The following MACF1 variants were observed in gnomAD, a reference collection of about 807,000 sequenced individuals.
The protein encoded by MACF1 is microtubule actin crosslinking factor 1.
Under a neutral mutation model 854.8 loss-of-function variants are expected in MACF1, and 193 were observed. That is an observed-to-expected ratio of 0.23 (90% CI 0.20 to 0.25). MACF1 has a LOEUF of 0.25. Among genes scored for constraint, MACF1 ranks in the 10% least tolerant of loss-of-function variants. The pLI, the probability that MACF1 is intolerant of heterozygous loss-of-function variation, is 1.00. For synonymous variants in MACF1, 3,185 were observed against 3,226.7 expected (o/e 0.99, Z 0.44); for missense variants, 7,722 against 8,929.1 (o/e 0.86, Z 5.45).
At chr1:39,324,833 C>A (rs60918399) in intron 35 of MACF1, 99 bp downstream of exon 35, 2 of 863,752 alleles carry the variant, frequency 2.3e-6, no homozygotes, top group African/African-American at 1.7e-5. Context: ...GAATTCAGAG[C>A]AGCAAGAGCC....
intron 71 of MACF1, among the ~76,000 whole-genome samples, chr1:39,438,998 T>G (rs1292543379): frequency 1.0e-4 from 14 of 133,738 alleles, no homozygotes; most frequent in South Asian, 2.4e-4. Flanking sequence ...CAGGAGAATC[T>G]CTGGAACCTG....
intron 1 of MACF1, among the ~76,000 whole-genome samples, chr1:39,211,867 C>A (rs1644521230): frequency 1.3e-5 from 2 of 151,684 alleles, no homozygotes; most frequent in Non-Finnish European, 2.9e-5. Flanking sequence ...GGCAACAGAG[C>A]AAGACTCTGT....
chr1:39,394,264 TTG>T (rs1557628801), intron 58 of MACF1, among the ~76,000 whole-genome samples: 2 of 149,196 alleles, frequency 1.3e-5, no homozygotes, highest in African/African-American at 5.1e-5. Flanking sequence ...GATTGATTGA[TTG>T]ATTGATTGAT....
rs1307002469 is a variant in MACF1 at position 39,335,711 on chromosome 1, T to G, written c.9123T>G (p.Ile3041Met). Reference sequence around the variant, plus strand: ...TGGGATTTTCTATTACTTTTAAAATTGAAGAGTCCTCTTCCCAAGTGGTAC... The same window carrying G: ...TGGGATTTTCTATTACTTTTAAAATGGAAGAGTCCTCTTCCCAAGTGGTAC... ...TEMGFSITFK[I>M]EESSSQVVPQ... Residue 3041 changes from isoleucine (I) to methionine (M), a missense_variant, in exon 37 of 101, where the codon ATT becomes ATG. Ile to Met is a conservative substitution (Grantham distance 10). This residue lies in a region of MACF1 where 854 missense variants were observed against 852.6 expected (regional missense o/e 1.00). Transcript: ENST00000564288. 1 of 1,613,156 alleles carries G rather than the reference T, an allele frequency of 6.2e-7. No individual in the cohort carries two copies. Among genetic ancestry groups the G allele is most frequent in the Non-Finnish European group, 8.5e-7 (1 of 1,179,846 alleles).
At chr1:39,178,783 A>G (rs560470956) in intron 2 of MACF1, among the ~76,000 whole-genome samples, 11 of 152,342 alleles carry the variant, frequency 7.2e-5, no homozygotes, top group Non-Finnish European at 1.5e-4. Flanking sequence ...GGCATGAATC[A>G]GGTGTCAGAT....
intron 15 of MACF1, among the ~76,000 whole-genome samples, chr1:39,289,979 C>T (rs1373766292): frequency 6.6e-6 from 1 of 152,014 alleles, no homozygotes; most frequent in Non-Finnish European, 1.5e-5. Context: ...GGATTACAGG[C>T]GTGAGCCACC....
intron 2 of MACF1, among the ~76,000 whole-genome samples, chr1:39,094,422 GA>G (rs1395606605): frequency 2.7e-5 from 4 of 148,884 alleles, no homozygotes; most frequent in Middle Eastern, 3.5e-3. Flanking sequence ...AAAAAGAAAA[GA>G]AAAAAGAAAG....
chr1:39,437,947 G>A lies in MACF1; in HGVS notation c.18159G>A (p.Lys6053=), dbSNP rs1472048489. The change falls in exon 71 of 101, where the codon AAG becomes AAA. Residue 6053 remains lysine, a synonymous_variant. Coordinates refer to ENST00000564288, the MANE Select transcript of MACF1 (RefSeq NM_001394062.1). ...TGCAGCCATCCTTTGAGGCCTTGAA[G>A]CGCCGTGGAGAGGAGCTTATTGGAC... The part of the protein sequence containing the change: ...EKLQPSFEAL[K]RRGEELIGRS... 1.2e-6 allele frequency: 2 copies of A among 1,614,140 alleles called. No individual in the cohort carries two copies. The highest frequency in any genetic ancestry group is 1.7e-6 in the Non-Finnish European group (2 of 1,180,026).
intron 1 of MACF1, among the ~76,000 whole-genome samples, chr1:39,227,488 T>C (rs1015168300): frequency 6.6e-6 from 1 of 152,236 alleles, no homozygotes; most frequent in African/African-American, 2.4e-5. Flanking sequence ...TATATAATTA[T>C]ATAAGTGCTG....
rs775574647 is a variant in MACF1 at position 39,310,924 on chromosome 1, G to A, written c.3194G>A (p.Arg1065Gln). Residue 1065 changes from arginine (R) to glutamine (Q), a missense_variant, in exon 26 of 101, where the codon CGA becomes CAA. Transcript: ENST00000564288. The stretch of plus-strand genomic sequence containing the variant: ...GAGTATGAACAGAGGGTGGTCAAAC[G>A]AATTCAGTCTCTAGCCAGCTCTAGG... ...LEEYEQRVVKRIQSLASSRTD... is the reference protein window; with the variant it reads ...LEEYEQRVVKQIQSLASSRTD... 5.0e-6 allele frequency: 8 copies of A among 1,614,058 alleles called. No homozygotes were observed. In the Admixed American group the frequency reaches 5.0e-5, roughly 10 times the overall value.
chr1:39,361,545 G>A lies in MACF1; in HGVS notation c.12639G>A (p.Lys4213=). ...QQQEKESSLK[K]LLPQAEMFEH... is the part of the protein sequence containing the mutation. ...AAGAAAAGGAGAGCTCCCTAAAGAA[G>A]CTTCTACCCCAGGCAGAGATGTTTG... The change falls in exon 49 of 101, where the codon AAG becomes AAA. Residue 4213 remains lysine, a synonymous_variant. Transcript: ENST00000564288. 6.2e-7 allele frequency: 1 copy of A among 1,614,118 alleles called. No individual in the cohort carries two copies. The highest frequency in any genetic ancestry group is 1.1e-5 in the South Asian group (1 of 91,074).
rs532968833 is a variant in MACF1 at position 39,105,862 on chromosome 1, G to T, written c.220+21424G>T. ...GCTTGGCCCTGAGCTGCTGCTTCTCGGGGCCAGTTTATTTACAGAGTTGAG... is the reference window on the plus strand; with the variant it reads ...GCTTGGCCCTGAGCTGCTGCTTCTCTGGGCCAGTTTATTTACAGAGTTGAG... On this transcript the variant is annotated intron_variant, in intron 2 of 93. Transcript: ENST00000361689. The surrounding 1 kb of genome is among the most constrained non-coding windows in gnomAD (Gnocchi z 5.9). The T allele has an allele frequency of 1.4e-4, 85 of 620,330 alleles. No individual in the cohort carries two copies. Among genetic ancestry groups the T allele is most frequent in the African/African-American group, 1.4e-3 (68 of 50,248 alleles). 38.4% of individuals were successfully genotyped at this position (620,330 alleles called of 1,614,324 possible).
chr1:39,347,227 A>G lies in MACF1; in HGVS notation c.10815+17A>G. ...CTGGTGAAGGTCAGACTGAACCAGCAGCTGGGCTCAGTTTGTCTTTGGGGA... is the reference window on the plus strand; with the variant it reads ...CTGGTGAAGGTCAGACTGAACCAGCGGCTGGGCTCAGTTTGTCTTTGGGGA... On this transcript the variant is annotated intron_variant, in intron 41 of 100. Transcript: ENST00000564288. The G allele has an allele frequency of 6.4e-7, 1 of 1,567,846 alleles. No homozygotes were observed.
chr1:39,181,810 A>G (rs1039423891), intron 2 of MACF1, among the ~76,000 whole-genome samples: 1 of 152,180 alleles, frequency 6.6e-6, no homozygotes, highest in Admixed American at 6.5e-5. Context: ...TGTAGAAAGA[A>G]TTGTCTTTTC....
In MACF1 at chr1:39,336,438, A is replaced by C. The variant is rs1292070185; in HGVS notation, c.9850A>C (p.Asn3284His). 6.2e-7 allele frequency: 1 copy of C among 1,614,154 alleles called. No individual in the cohort carries two copies. The highest frequency in any genetic ancestry group is 2.2e-5 in the East Asian group (1 of 44,888). ...KLFKGVSQKE[N>H]TGQQNAIISP... ...GTTCAAAGGAGTGTCTCAAAAAGAG[A>C]ATACAGGGCAACAGAATGCCATCAT... Residue 3284 changes from asparagine (N) to histidine (H), a missense_variant, in exon 37 of 101, where the codon AAT becomes CAT. By Grantham distance (68) the Asn-to-His change is moderately conservative (BLOSUM62 1). Around this residue, in one of 15 missense-constraint regions of MACF1, gnomAD observed 854 missense variants for 852.6 expected, o/e 1.00. Transcript: ENST00000564288.
intron 2 of MACF1, among the ~76,000 whole-genome samples, chr1:39,184,044 G>A (rs1644137215): frequency 6.6e-6 from 1 of 152,236 alleles, no homozygotes; most frequent in Non-Finnish European, 1.5e-5. Context: ...ATTAAATGGT[G>A]TGGCTGCCTG....
chr1:39,380,799 C>G (rs1650114258), intron 55 of MACF1, among the ~76,000 whole-genome samples: 1 of 152,050 alleles, frequency 6.6e-6, no homozygotes, highest in Admixed American at 6.6e-5. Context: ...GGAGTCCTAG[C>G]TACTGGGGAG....
chr1:39,402,248 A>G (rs1416333634), intron 58 of MACF1, among the ~76,000 whole-genome samples: 2 of 151,962 alleles, frequency 1.3e-5, no homozygotes, highest in Admixed American at 6.6e-5. Flanking sequence ...GACCTCTTTC[A>G]TGGAAATAAC....
chr1:39,477,075 A>ATATATACACACACATATATACACTTAGTG lies in MACF1; in HGVS notation c.21959-2717_21959-2716insCACACACATATATACACTTAGTGTATATA, dbSNP rs1644909635. Among the ~76,000 whole-genome samples the ATATATACACACACATATATACACTTAGTG allele has an allele frequency of 3.8e-3, 196 of 51,282 alleles. 6 individuals are homozygous for ATATATACACACACATATATACACTTAGTG. The highest frequency in any genetic ancestry group is 0.019 in the African/African-American group (169 of 8,996). 33.6% of individuals were successfully genotyped at this position (51,282 alleles called of 152,430 possible). A position where few individuals can be genotyped will look rare whatever the true frequency, so the allele number is the denominator to read the frequency against. On this transcript the variant is annotated intron_variant, in intron 97 of 100. Transcript: ENST00000564288. ...TATATATATATATATATATATATAT[A>ATATATACACACACATATATACACTTAGTG]TATATATATATATATACACACACAC...
Sources: gnomAD v4.1 joint callset for allele counts (sites outside exome capture counted in the v4.1 genomes callset) on GRCh38, gnomAD v4.1.1 for gene constraint, gnomAD v4.1.1 regional missense constraint, Gnocchi (gnomAD v3.1) non-coding constraint, MANE v1.5 for transcripts, NCBI Gene and HGNC (gene_info 2026-07-23, HGNC 2026-07-21) for gene names.